Variants in RIC1 observed in about 807,000 individuals in gnomAD.
RIC1 encodes guanine nucleotide exchange factor subunit RIC1.
Under a neutral mutation model 169.0 loss-of-function variants are expected in RIC1, and 88 were observed. The observed-to-expected ratio is 0.52, with a 90% CI of 0.44 to 0.62. The LOEUF (loss-of-function observed/expected upper bound fraction) is 0.62. Among genes scored for constraint, RIC1 ranks in the 20% least tolerant of loss-of-function variants. The pLI is 0.00. For missense variants in RIC1, 1,877 were observed against 1,725.5 expected, an observed-to-expected ratio of 1.09 and a Z score of -1.56; for synonymous variants, 790 against 601.5, an observed-to-expected ratio of 1.31 and a Z score of -4.59.
At chr9:5,653,392 T>C (rs187151916) in intron 1 of RIC1, among the ~76,000 whole-genome samples, 31 of 152,328 alleles carry the variant, frequency 2.0e-4, no homozygotes, top group African/African-American at 7.2e-4. Flanking sequence ...TTCTCCAGTA[T>C]TAAGTTGCTA....
chr9:5,767,997 G>A (rs929485973), intron 21 of RIC1, among the ~76,000 whole-genome samples: 2 of 152,170 alleles, frequency 1.3e-5, no homozygotes, highest in Admixed American at 1.3e-4. Flanking sequence ...ACATTGTATA[G>A]GTGAAGAAAC....
chr9:5,752,235 G>A (rs1239824574), intron 12 of RIC1, among the ~76,000 whole-genome samples: 2 of 152,026 alleles, frequency 1.3e-5, no homozygotes, highest in Admixed American at 1.3e-4. Flanking sequence ...CTTGCAGATA[G>A]AGTTAATATT....
chr9:5,640,838 T>C (rs1818202451), intron 1 of RIC1, among the ~76,000 whole-genome samples: 1 of 152,226 alleles, frequency 6.6e-6, no homozygotes, highest in African/African-American at 2.4e-5. Flanking sequence ...TTCTCCTTCA[T>C]GCTTGAAGGA....
Position 5,720,339 on chromosome 9 carries a change from T to C in RIC1, c.583+15T>C, listed in dbSNP as rs760389951. On this transcript the variant is annotated intron_variant, in intron 5 of 25. Coordinates refer to ENST00000414202, the MANE Select transcript of RIC1 (RefSeq NM_020829.4). ...GTCATCTAGAGGTAGCTATACTTTC[T>C]ACATGAGGTTGAACCAGTTGTTTAA... 8 of 1,605,680 alleles carry C rather than the reference T, an allele frequency of 5.0e-6. No homozygotes were observed. Among genetic ancestry groups the C allele is most frequent in the Non-Finnish European group, 6.8e-6 (8 of 1,175,982 alleles).
intron 3 of RIC1, among the ~76,000 whole-genome samples, chr9:5,701,517 C>T (rs1822218237): frequency 6.6e-6 from 1 of 151,404 alleles, no homozygotes; most frequent in Non-Finnish European, 1.5e-5. Flanking sequence ...ATTGCTTGAA[C>T]TGGGAGGTGG....
intron 6 of RIC1, among the ~76,000 whole-genome samples, chr9:5,724,921 T>C (rs1339452351): frequency 1.3e-5 from 2 of 152,182 alleles, no homozygotes; most frequent in Non-Finnish European, 2.9e-5. Context: ...TTGATAGTGG[T>C]GGATAAGCTT....
intron 1 of RIC1, among the ~76,000 whole-genome samples, chr9:5,636,031 C>G (rs1817955403): frequency 6.6e-6 from 1 of 152,186 alleles, no homozygotes; most frequent in African/African-American, 2.4e-5. Flanking sequence ...ATGGCCTTGG[C>G]TATTCATGGG....
intron 7 of RIC1, among the ~76,000 whole-genome samples, chr9:5,734,240 C>T (rs1222122640): frequency 6.6e-6 from 1 of 151,570 alleles, no homozygotes; most frequent in Non-Finnish European, 1.5e-5. Flanking sequence ...CTGAGTAGCT[C>T]GGATTGCAGG....
chr9:5,737,763 T>C (rs1411167870), intron 7 of RIC1, among the ~76,000 whole-genome samples: 2 of 151,390 alleles, frequency 1.3e-5, no homozygotes, highest in African/African-American at 2.4e-5. Context: ...ACTGACAATA[T>C]AGTCAATTAA....
At chr9:5,657,686 G>A (rs10975214) in intron 2 of RIC1, among the ~76,000 whole-genome samples, 48,760 of 151,852 alleles carry the variant, frequency 0.32, 8,381 homozygotes, top group East Asian at 0.58. Context: ...TAGGTTAATA[G>A]TCTGAAATGT....
At chr9:5,671,271 A>AT (rs1179633145) in intron 2 of RIC1, among the ~76,000 whole-genome samples, 55 of 146,814 alleles carry the variant, frequency 3.7e-4, no homozygotes, top group South Asian at 6.3e-4. Context: ...TATTATTATT[A>AT]TTATTTTTTT....
At chr9:5,693,024 A>G (rs1304213937) in intron 3 of RIC1, among the ~76,000 whole-genome samples, 2 of 152,078 alleles carry the variant, frequency 1.3e-5, no homozygotes, top group Non-Finnish European at 2.9e-5. Flanking sequence ...TGTGCTATTA[A>G]TCAGTAATAT....
Position 5,763,901 on chromosome 9 carries a change from T to C in RIC1, c.2841+33T>C, listed in dbSNP as rs755514001. The C allele has an allele frequency of 1.1e-5, 18 of 1,568,902 alleles. No homozygotes were observed. Among genetic ancestry groups the C allele is most frequent in the Admixed American group, 1.8e-5 (1 of 54,832 alleles). ...TTCTCTTCTTATAAAGGGGCAAGAA[T>C]TAATGAGCTTAAACTTAGAAAAATA... On this transcript the variant is annotated intron_variant, in intron 19 of 25. Transcript: ENST00000414202. This position sits in a 1 kb window ranked among gnomAD's most constrained non-coding sequence, Gnocchi z 5.2.
At chr9:5,672,957 G>A (rs778918886) in intron 2 of RIC1, among the ~76,000 whole-genome samples, 2 of 152,110 alleles carry the variant, frequency 1.3e-5, no homozygotes, top group Admixed American at 1.3e-4. Context: ...ACCTAGACAG[G>A]ATGTCCTTTA....
chr9:5,778,041 C>T (rs1326014612), downstream of RIC1, among the ~76,000 whole-genome samples: 1 of 152,114 alleles, frequency 6.6e-6, no homozygotes, highest in African/African-American at 2.4e-5. Flanking sequence ...TGACATAAAG[C>T]AAATGTGGAG....
rs1821438601 is a variant in RIC1 at position 5,689,096 on chromosome 9, G to GCT, written c.253-863_253-862insCT. On this transcript the variant is annotated intron_variant, in intron 2 of 25. Coordinates refer to ENST00000414202, the MANE Select transcript of RIC1 (RefSeq NM_020829.4). Reference sequence around the variant, plus strand: ...CGGAGTCTCGCTCTGTCGCCCAGCGGGGAGTGCAGTGGCGCGATCTTAGCT... The same window carrying GCT: ...CGGAGTCTCGCTCTGTCGCCCAGCGGCTGGAGTGCAGTGGCGCGATCTTAGCT... Among the ~76,000 whole-genome samples, 4 of 146,276 alleles carry GCT rather than the reference G, an allele frequency of 2.7e-5. No individual in the cohort carries two copies. The South Asian group carries it at 6.5e-4, about 24-fold the overall frequency.
At chr9:5,664,588 C>G (rs1819642206) in intron 2 of RIC1, among the ~76,000 whole-genome samples, 1 of 152,048 alleles carries the variant, frequency 6.6e-6, no homozygotes. Flanking sequence ...GATTATATGT[C>G]TTGGGGTTGA....
At chr9:5,639,519 C>T (rs1818134105) in intron 1 of RIC1, among the ~76,000 whole-genome samples, 1 of 152,098 alleles carries the variant, frequency 6.6e-6, no homozygotes, top group Admixed American at 6.5e-5. Flanking sequence ...ATGAGCAATC[C>T]TTAAGTGATC....
intron 6 of RIC1, among the ~76,000 whole-genome samples, chr9:5,721,692 C>T (rs1039018213): frequency 6.6e-6 from 1 of 152,158 alleles, no homozygotes; most frequent in African/African-American, 2.4e-5. Flanking sequence ...TTGGCCAACT[C>T]CTGTCTCTGT....
Sources: gnomAD v4.1 joint callset for allele counts (sites outside exome capture counted in the v4.1 genomes callset) on GRCh38, gnomAD v4.1.1 for gene constraint, Gnocchi (gnomAD v3.1) non-coding constraint, MANE v1.5 for transcripts, NCBI Gene and HGNC (gene_info 2026-07-23, HGNC 2026-07-21) for gene names.